ZFYVE9: variants seen among roughly 807,000 people sequenced by gnomAD.
ZFYVE9 encodes zinc finger FYVE domain-containing protein 9.
A neutral mutation model predicts 126.7 loss-of-function variants in ZFYVE9; 43 were observed. The ratio of observed to expected loss-of-function variants is 0.34; its 90% CI spans 0.27 to 0.44. The LOEUF (loss-of-function observed/expected upper bound fraction) is 0.44, where lower values mean the gene tolerates loss of function less well. ZFYVE9 is among the 20% of genes least tolerant of loss of function. The pLI, the probability that ZFYVE9 is intolerant of heterozygous loss-of-function variation, is 1.00. For synonymous variants in ZFYVE9, 521 were observed against 597.4 expected (o/e 0.87, Z 1.87); for missense variants, 1,476 against 1,697.0 (o/e 0.87, Z 2.29).
At chr1:52,161,163 C>T (rs1190539431) in intron 1 of ZFYVE9, among the ~76,000 whole-genome samples, 1 of 152,184 alleles carries the variant, frequency 6.6e-6, no homozygotes, top group Non-Finnish European at 1.5e-5. Context: ...AAATTTCTAA[C>T]AGCAAATTAT....
chr1:52,295,804 T>G, intron 11 of ZFYVE9, 91 bp from the exon 12 acceptor site: 1 of 1,058,300 alleles, frequency 9.4e-7, no homozygotes, highest in Non-Finnish European at 1.4e-6. Flanking sequence ...GCCATTATAA[T>G]TATATTTTGA....
chr1:52,336,958 A>AAAAG (rs1646395971), intron 15 of ZFYVE9, among the ~76,000 whole-genome samples: 1 of 151,266 alleles, frequency 6.6e-6, no homozygotes, highest in African/African-American at 2.4e-5. Flanking sequence ...AAAAAAAAAA[A>AAAAG]AAAAAAAAAA....
chr1:52,259,384 G>A (rs893160402), intron 4 of ZFYVE9, among the ~76,000 whole-genome samples: 7 of 151,978 alleles, frequency 4.6e-5, no homozygotes, highest in Non-Finnish European at 7.4e-5. Flanking sequence ...ACCCATAAAA[G>A]CAACTAATTT....
At chr1:52,281,520 C>T in intron 9 of ZFYVE9, 141 bp from the exon 10 acceptor site, 1 of 921,762 alleles carries the variant, frequency 1.1e-6, no homozygotes, top group Non-Finnish European at 1.6e-6. Context: ...AATGCAGTGA[C>T]AGTTCACAGT....
intron 8 of ZFYVE9, among the ~76,000 whole-genome samples, chr1:52,277,233 T>G (rs527506112): frequency 6.6e-6 from 1 of 152,190 alleles, no homozygotes; most frequent in South Asian, 2.1e-4. Flanking sequence ...AATTATCTAT[T>G]GTAAAAATAT....
rs185606619 is a variant in ZFYVE9 at position 52,269,639 on chromosome 1, T to C, written c.2625+1007T>C. On this transcript the variant is annotated intron_variant, in intron 7 of 18. Transcript: ENST00000287727. ...TGGTGAGTTATTGAACCATGTAATA[T>C]CTGTCTTCAAATATTTCTAGTTTTT... is the stretch of plus-strand genomic sequence containing the variant. Among the ~76,000 whole-genome samples the C allele has an allele frequency of 2.6e-5, 4 of 152,300 alleles. 1 individual carries two copies. Among genetic ancestry groups the C allele is most frequent in the Admixed American group, 2.6e-4 (4 of 15,294 alleles).
chr1:52,253,640 C>T, intron 4 of ZFYVE9: 1 of 1,460,006 alleles, frequency 6.8e-7, no homozygotes, highest in Non-Finnish European at 9.6e-7. Flanking sequence ...CCAAACAAGG[C>T]ACCTCCTGGT....
At chr1:52,295,355 TG>T (rs1344612254) in intron 11 of ZFYVE9, among the ~76,000 whole-genome samples, 2 of 151,924 alleles carry the variant, frequency 1.3e-5, no homozygotes, top group Admixed American at 1.3e-4. Context: ...TTTGTTTGTT[TG>T]TTTGTTTGTT....
In ZFYVE9 at chr1:52,211,518, T is replaced by C. The variant is rs114625588; in HGVS notation, c.-142-4851T>C. Among the ~76,000 whole-genome samples, 531 of 152,306 alleles carry C rather than the reference T, an allele frequency of 3.5e-3. 2 individuals are homozygous for C. Among genetic ancestry groups the C allele is most frequent in the African/African-American group, 0.012 (502 of 41,566 alleles). On this transcript the variant is annotated intron_variant, in intron 1 of 18. Coordinates refer to ENST00000287727, the MANE Select transcript of ZFYVE9 (RefSeq NM_004799.4). ...TGAGTTTGAACACTTTGTCAGACTT[T>C]CTGGCAGAAATGTTAAGAAGTTTCT...
intron 12 of ZFYVE9, among the ~76,000 whole-genome samples, chr1:52,300,521 G>A (rs547413350): frequency 1.1e-3 from 169 of 151,794 alleles, no homozygotes; most frequent in Admixed American, 1.6e-3. Flanking sequence ...AACCTGGGAG[G>A]CAGAGGTTGC....
intron 8 of ZFYVE9, 94 bp from the exon 9 acceptor site, chr1:52,278,398 T>C: frequency 6.6e-7 from 1 of 1,508,256 alleles, no homozygotes. Flanking sequence ...AATGCATGTC[T>C]CTTTTCTGTG....
chr1:52,234,347 G>C (rs1645253112), intron 3 of ZFYVE9, among the ~76,000 whole-genome samples: 2 of 152,156 alleles, frequency 1.3e-5, no homozygotes, highest in Non-Finnish European at 2.9e-5. Context: ...TGTGGTCCCA[G>C]CTATTTGGGA....
intron 13 of ZFYVE9, among the ~76,000 whole-genome samples, chr1:52,313,790 C>G (rs1248903429): frequency 6.6e-6 from 1 of 152,052 alleles, no homozygotes; most frequent in East Asian, 1.9e-4. Context: ...TAAAAAAGAC[C>G]CAAATCAAGC....
At chr1:52,255,896 CTTTTTTCTTTTCTTTTCTTTTCTT>C (rs1260781239) in intron 4 of ZFYVE9, among the ~76,000 whole-genome samples, 1 of 137,128 alleles carries the variant, frequency 7.3e-6, no homozygotes, top group Non-Finnish European at 1.6e-5. Context: ...AGCTATTTTG[CTTTTTTCTTTTCTTTTCTTTTCTT>C]TTCTTTTCTT....
intron 13 of ZFYVE9, among the ~76,000 whole-genome samples, chr1:52,315,828 G>A (rs970118681): frequency 1.4e-4 from 21 of 152,276 alleles, no homozygotes; most frequent in African/African-American, 5.1e-4. Context: ...GACTGAATAA[G>A]GAAGATTCAT....
chr1:52,233,869 C>G (rs1307076166), intron 3 of ZFYVE9, among the ~76,000 whole-genome samples: 1 of 152,190 alleles, frequency 6.6e-6, no homozygotes, highest in Non-Finnish European at 1.5e-5. Context: ...GAACCTCTGC[C>G]TCCCTGGCTG....
At chr1:52,294,666 G>A (rs1251435483) in intron 11 of ZFYVE9, among the ~76,000 whole-genome samples, 1 of 152,166 alleles carries the variant, frequency 6.6e-6, no homozygotes, top group Non-Finnish European at 1.5e-5. Flanking sequence ...GCTCTAACTT[G>A]ACCAGACCAG....
At chr1:52,260,782 A>C (rs1010622518) in intron 4 of ZFYVE9, among the ~76,000 whole-genome samples, 2 of 152,044 alleles carry the variant, frequency 1.3e-5, no homozygotes, top group African/African-American at 4.8e-5. Flanking sequence ...ACACCATTGC[A>C]CTCCAGCCTG....
chr1:52,215,190 T>A (rs567522988), intron 1 of ZFYVE9, among the ~76,000 whole-genome samples: 3 of 152,346 alleles, frequency 2.0e-5, no homozygotes, highest in African/African-American at 4.8e-5. Flanking sequence ...GTGGTTACTT[T>A]ACTTTCATTC....
Sources: allele counts gnomAD v4.1 joint callset (sites outside exome capture counted in the v4.1 genomes callset), GRCh38; gene constraint gnomAD v4.1.1; transcripts MANE v1.5; gene names NCBI Gene and HGNC (gene_info 2026-07-23, HGNC 2026-07-21).